The following UTP14A variants were observed in gnomAD, a reference collection of about 807,000 sequenced individuals.
UTP14A encodes the protein UTP14A small subunit processome component.
UTP14A carries 5 observed loss-of-function variants against 57.2 expected under a neutral mutation model. The observed-to-expected ratio is 0.09, with a 90% CI of 0.05 to 0.18. UTP14A has a LOEUF of 0.18. UTP14A is among the 10% of genes least tolerant of loss of function. The pLI is 1.00. For missense variants in UTP14A, 430 were observed against 562.1 expected (o/e 0.76, Z 2.38); for synonymous variants, 169 against 210.9 (o/e 0.80, Z 1.72).
intron 11 of UTP14A, among the ~76,000 whole-genome samples, chrX:129,924,109 G>A (rs1424028789): frequency 1.8e-5 from 2 of 109,062 alleles, no homozygotes; most frequent in Non-Finnish European, 1.9e-5. Flanking sequence ...GATCCACACC[G>A]CCATGCCTGG....
At chrX:129,910,057 G>A (rs112888811) in intron 4 of UTP14A, among the ~76,000 whole-genome samples, 2 of 111,596 alleles carry the variant, frequency 1.8e-5, no homozygotes, top group African/African-American at 6.6e-5. Flanking sequence ...AGATCGGTTG[G>A]TCATGAAAGG....
chrX:129,925,100 A>G lies in UTP14A; in HGVS notation c.1654A>G (p.Lys552Glu). ...PNNRPDAPKEKKKKEQMIDLQ... is the reference protein window; with the variant it reads ...PNNRPDAPKEEKKKEQMIDLQ... ...TAATCGCCCTGATGCCCCTAAGGAGAAGAAAAAGAAGGAGCAAATGATCGA... is the reference window on the plus strand; with the variant it reads ...TAATCGCCCTGATGCCCCTAAGGAGGAGAAAAAGAAGGAGCAAATGATCGA... The change falls in exon 12 of 15, where the codon AAG becomes GAG. Residue 552 changes from lysine (K) to glutamate (E), a missense_variant. By Grantham distance (56) the Lys-to-Glu change is moderately conservative (BLOSUM62 1). Coordinates refer to ENST00000394422, the MANE Select transcript of UTP14A (RefSeq NM_006649.4). 8.3e-7 allele frequency: 1 copy of G among 1,211,304 alleles called. No homozygotes were observed.
chrX:129,926,640 G>A (rs34529764), intron 14 of UTP14A, among the ~76,000 whole-genome samples: 11,508 of 111,871 alleles, frequency 0.1, 479 homozygotes, highest in East Asian at 0.28. Flanking sequence ...TGAGAAGATT[G>A]TAAGTTGTGT....
Position 129,925,053 on chromosome X carries a change from A to G in UTP14A, c.1607A>G (p.Gln536Arg), listed in dbSNP as rs1156707201. The G allele has an allele frequency of 8.3e-7, 1 of 1,211,780 alleles. No individual in the cohort carries two copies. The highest frequency in any genetic ancestry group is 3.0e-5 in the East Asian group (1 of 33,853). ...CTTCCCAGACCTGTGTTAGAAGGGC[A>G]GCAGTCAGAGAGGACCCCAAATAAT... ...KELPRPVLEG[Q>R]QSERTPNNRP... is the part of the protein sequence containing the mutation. Residue 536 changes from glutamine (Q) to arginine (R), a missense_variant, in exon 12 of 15, where the codon CAG (glutamine) becomes CGG (arginine). Around this residue, in one of 4 missense-constraint regions of UTP14A, gnomAD observed 120 missense variants for 116.8 expected, o/e 1.03. Transcript: ENST00000394422.
chrX:129,924,146 G>A lies in UTP14A; in HGVS notation c.1349-649G>A, dbSNP rs954037021. On this transcript the variant is annotated intron_variant, in intron 11 of 14. Coordinates refer to ENST00000394422, the MANE Select transcript of UTP14A (RefSeq NM_006649.4). ...AATTTTTTGTTGTTGTTGGAGGGGT[G>A]GAGGTGGTAGAGATGAGTTCTCACT... Among the ~76,000 whole-genome samples the A allele has an allele frequency of 1.1e-4, 12 of 109,935 alleles. No homozygotes were observed. The Admixed American group carries it at 1.2e-3, about 11-fold the overall frequency.
chrX:129,914,534 G>A (rs758711968), intron 6 of UTP14A, among the ~76,000 whole-genome samples: 9 of 107,942 alleles, frequency 8.3e-5, no homozygotes, highest in Non-Finnish European at 1.5e-4. Context: ...CCGAGATCAC[G>A]CCACTGCACT....
At chrX:129,909,658 G>C (rs1351611732) in intron 4 of UTP14A, among the ~76,000 whole-genome samples, 1 of 111,494 alleles carries the variant, frequency 9.0e-6, no homozygotes, top group African/African-American at 3.3e-5. Context: ...TACTCTCCCA[G>C]AAAGAACCAA....
At chrX:129,925,735 T>C (rs1490534950) in intron 12 of UTP14A, among the ~76,000 whole-genome samples, 184 bp from the exon 13 acceptor site, 1 of 112,186 alleles carries the variant, frequency 8.9e-6, no homozygotes, top group Non-Finnish European at 1.9e-5. Flanking sequence ...GAGCTAGGGA[T>C]ATTTACCCTA....
rs991857518 is a variant in UTP14A, at chrX:129,906,585, C to A, written c.26+349C>A. Reference sequence around the variant, plus strand: ...GGCAGTGCAGGCGTTATAAACTCCCCGAATCTTGGAAAGCTTTGCTGATTG... The same window carrying A: ...GGCAGTGCAGGCGTTATAAACTCCCAGAATCTTGGAAAGCTTTGCTGATTG... On this transcript the variant is annotated intron_variant, in intron 1 of 14. Transcript: ENST00000394422. Among the ~76,000 whole-genome samples, 8 of 110,742 alleles carry A rather than the reference C, an allele frequency of 7.2e-5. No homozygotes were observed. The Admixed American group carries it at 7.7e-4, about 11-fold the overall frequency.
At position 129,929,518 on chromosome X, in the gene UTP14A, C is replaced by T. The variant is rs1226041074; in HGVS notation, c.2226C>T (p.Ser742=). 1 of 1,211,700 alleles carries T rather than the reference C, an allele frequency of 8.3e-7. No individual in the cohort carries two copies. The highest frequency in any genetic ancestry group is 1.7e-5 in the African/African-American group (1 of 57,747). ...CAGAAGACGTGGGCTACCGGTCTTC[C>T]TCAAGGTCGGACCTGTCTGTCATAC... The part of the protein sequence containing the change: ...IKAEDVGYRS[S]SRSDLSVIQR... The change falls in exon 15 of 15, where the codon TCC becomes TCT. Residue 742 remains serine, a synonymous_variant. Transcript: ENST00000394422.
intron 11 of UTP14A, among the ~76,000 whole-genome samples, chrX:129,923,401 A>G: frequency 8.9e-6 from 1 of 112,368 alleles, no homozygotes; most frequent in Non-Finnish European, 1.9e-5. Context: ...TCAGCCTGCA[A>G]GTAGCTGGGA....
At position 129,926,359 on chromosome X, in the gene UTP14A, T is replaced by C. The variant is rs774511059; in HGVS notation, c.2043+20T>C. On this transcript the variant is annotated intron_variant, in intron 14 of 14. Transcript: ENST00000394422. ...CATCAGGTGAGAGCTTAGAGAGCTC[T>C]TTAGCTGCCTGCTTGTTACTGCCTG... The C allele has an allele frequency of 1.8e-5, 21 of 1,174,250 alleles. No individual in the cohort carries two copies. The Admixed American group carries it at 4.4e-4, about 25-fold the overall frequency.
intron 11 of UTP14A, 123 bp from the exon 12 acceptor site, chrX:129,924,672 C>T (rs1274478521): frequency 1.7e-5 from 15 of 863,855 alleles, no homozygotes; most frequent in East Asian, 3.1e-5. Context: ...TTCTTTTCCC[C>T]GTTTGTCCTT....
At chrX:129,918,691 C>T (rs1929789510) in intron 6 of UTP14A, among the ~76,000 whole-genome samples, 1 of 110,567 alleles carries the variant, frequency 9.0e-6, no homozygotes, top group Non-Finnish European at 1.9e-5. Context: ...TCCCGGCTAA[C>T]ACGGTGAAAC....
intron 14 of UTP14A, among the ~76,000 whole-genome samples, chrX:129,928,047 A>C (rs1435785264): frequency 1.8e-5 from 2 of 110,206 alleles, no homozygotes; most frequent in African/African-American, 3.3e-5. Flanking sequence ...GTCAATATCT[A>C]GGGCCTTCCA....
At chrX:129,912,112 CTTT>C (rs369904550) in intron 6 of UTP14A, among the ~76,000 whole-genome samples, 191 bp downstream of exon 6, 1 of 99,971 alleles carries the variant, frequency 1.0e-5, no homozygotes, top group South Asian at 4.4e-4. Context: ...TCTGTGATCA[CTTT>C]TTTTTTTTTT....
chrX:129,910,443 G>C (rs1465312622), intron 4 of UTP14A, among the ~76,000 whole-genome samples: 2 of 111,728 alleles, frequency 1.8e-5, no homozygotes, highest in Non-Finnish European at 3.8e-5. Context: ...CCAGCACTTT[G>C]GGAGGCCGAG....
intron 1 of UTP14A, among the ~76,000 whole-genome samples, 189 bp downstream of exon 1, chrX:129,906,425 C>T (rs1489758885): frequency 1.8e-5 from 2 of 112,151 alleles, no homozygotes; most frequent in Non-Finnish European, 3.8e-5. Context: ...TTACTCCGCT[C>T]CTCAGCTGTA....
intron 14 of UTP14A, among the ~76,000 whole-genome samples, chrX:129,927,656 G>A (rs138374508): frequency 3.1e-4 from 35 of 111,413 alleles, no homozygotes; most frequent in Middle Eastern, 4.6e-3. Flanking sequence ...ACAGGCATGC[G>A]CCACCACACC....
Sources: allele counts gnomAD v4.1 joint callset (sites outside exome capture counted in the v4.1 genomes callset), GRCh38; gene constraint gnomAD v4.1.1; regional missense constraint gnomAD v4.1.1; transcripts MANE v1.5; gene names NCBI Gene and HGNC (gene_info 2026-07-23, HGNC 2026-07-21).